NSUN3: variants seen among roughly 807,000 people sequenced by gnomAD.
NSUN3 encodes the protein tRNA (cytosine(34)-C(5))-methyltransferase, mitochondrial.
NSUN3 carries 24 observed loss-of-function variants against 36.8 expected under a neutral mutation model. The ratio of observed to expected loss-of-function variants is 0.65; its 90% CI spans 0.47 to 0.92. The LOEUF (loss-of-function observed/expected upper bound fraction) is 0.92, where lower values mean the gene tolerates loss of function less well. Among genes scored for constraint, NSUN3 ranks in the 40% least tolerant of loss-of-function variants. The pLI, the probability that NSUN3 is intolerant of heterozygous loss-of-function variation, is 0.00. For missense variants in NSUN3, 381 were observed against 392.8 expected, an observed-to-expected ratio of 0.97 and a Z score of 0.25; for synonymous variants, 146 against 145.2, an observed-to-expected ratio of 1.01 and a Z score of -0.04.
intron 5 of NSUN3, among the ~76,000 whole-genome samples, chr3:94,112,381 TACA>T (rs2077421308): frequency 2.0e-5 from 3 of 152,354 alleles, no homozygotes; most frequent in South Asian, 2.1e-4. Flanking sequence ...TAGATTCTGC[TACA>T]ACAACTCCAC....
intron 5 of NSUN3, among the ~76,000 whole-genome samples, chr3:94,119,435 G>T (rs946068893): frequency 1.3e-5 from 2 of 152,290 alleles, no homozygotes; most frequent in South Asian, 2.1e-4. Flanking sequence ...TTATGGCTCT[G>T]GGGGAGGGGG....
chr3:94,095,088 C>G lies in NSUN3; in HGVS notation c.677C>G (p.Ser226Cys). 6.2e-7 allele frequency: 1 copy of G among 1,613,088 alleles called. No individual in the cohort carries two copies. Among genetic ancestry groups the G allele is most frequent in the Non-Finnish European group, 8.5e-7 (1 of 1,179,124 alleles). ...NDRSWLFSSD[S>C]QKASCRISQR... Reference sequence around the variant, plus strand: ...CGAAGCTGGTTGTTTTCTTCTGACTCTCAGAAGGCATCCTGTAGGATAAGT... The same window carrying G: ...CGAAGCTGGTTGTTTTCTTCTGACTGTCAGAAGGCATCCTGTAGGATAAGT... Residue 226 changes from serine (S) to cysteine (C), a missense_variant, in exon 5 of 6, where the codon TCT (serine) becomes TGT (cysteine). Coordinates refer to ENST00000314622, the MANE Select transcript of NSUN3 (RefSeq NM_022072.5).
chr3:94,077,235 G>T, intron 2 of NSUN3: 1 of 633,816 alleles, frequency 1.6e-6, no homozygotes. Context: ...CAGGGAGGCT[G>T]CAGGCCGGAT....
In NSUN3 at chr3:94,106,032, G is replaced by A. The variant is rs538150926; in HGVS notation, c.743+10878G>A. 2.3e-4 allele frequency among the ~76,000 whole-genome samples: 35 copies of A among 152,078 alleles called. 1 individual carries two copies. The South Asian group carries it at 6.4e-3, about 28-fold the overall frequency. ...GAGATCCTTATGTTCAATTTTAGTG[G>A]AGCAGTTTTAATCCCTACTGTTCCA... is the stretch of plus-strand genomic sequence containing the variant. On this transcript the variant is annotated intron_variant, in intron 5 of 5. Coordinates refer to ENST00000314622, the MANE Select transcript of NSUN3 (RefSeq NM_022072.5).
intron 2 of NSUN3, among the ~76,000 whole-genome samples, chr3:94,068,585 G>C (rs556941603): frequency 6.6e-6 from 1 of 152,036 alleles, no homozygotes; most frequent in South Asian, 2.1e-4. Context: ...ATGATTAATT[G>C]GATAATTAAT....
chr3:94,064,381 C>T, intron 1 of NSUN3, 56 bp from the exon 2 acceptor site: 6 of 1,018,756 alleles, frequency 5.9e-6, no homozygotes, highest in Non-Finnish European at 9.3e-6. Flanking sequence ...CTAATGTTGA[C>T]GTTCAGTAAA....
chr3:94,074,396 G>A (rs1367069484), intron 2 of NSUN3, among the ~76,000 whole-genome samples: 8 of 152,314 alleles, frequency 5.3e-5, no homozygotes, highest in African/African-American at 1.7e-4. Context: ...ACTCTGGGCA[G>A]TATGGCCATT....
At chr3:94,095,829 G>A (rs1000345039) in intron 5 of NSUN3, among the ~76,000 whole-genome samples, 20 of 151,636 alleles carry the variant, frequency 1.3e-4, no homozygotes, top group African/African-American at 4.8e-4. Context: ...TCACTGCAAC[G>A]TCCACCTCCC....
At chr3:94,112,508 T>G (rs1384617388) in intron 5 of NSUN3, among the ~76,000 whole-genome samples, 1 of 152,196 alleles carries the variant, frequency 6.6e-6, no homozygotes, top group African/African-American at 2.4e-5. Flanking sequence ...TTCCCAGAGT[T>G]GTCTAGGTAA....
At chr3:94,082,318 G>C (rs1325697289) in intron 2 of NSUN3, 1 of 152,158 alleles carries the variant, frequency 6.6e-6, no homozygotes, top group Admixed American at 6.6e-5. Context: ...CGAATTTCAG[G>C]CTCTCTTTCA....
At chr3:94,069,898 T>C (rs751991156) in intron 2 of NSUN3, among the ~76,000 whole-genome samples, 2 of 152,186 alleles carry the variant, frequency 1.3e-5, no homozygotes, top group Non-Finnish European at 2.9e-5. Context: ...CAGTGTGATA[T>C]ATTAGTTTAG....
chr3:94,108,191 C>T (rs1023426279), intron 5 of NSUN3, among the ~76,000 whole-genome samples: 1 of 151,950 alleles, frequency 6.6e-6, no homozygotes, highest in Admixed American at 6.6e-5. Context: ...TTTTACATTT[C>T]ACCACGTTTA....
At chr3:94,092,013 C>T (rs1449057793) in intron 3 of NSUN3, among the ~76,000 whole-genome samples, 3 of 152,210 alleles carry the variant, frequency 2.0e-5, no homozygotes, top group Non-Finnish European at 4.4e-5. Flanking sequence ...TGAAGAGCCT[C>T]CCAATGAGTG....
chr3:94,100,471 G>C (rs2077360519), intron 5 of NSUN3, among the ~76,000 whole-genome samples: 2 of 152,116 alleles, frequency 1.3e-5, no homozygotes, highest in Non-Finnish European at 2.9e-5. Context: ...GGAGGCTGAG[G>C]GTGAAGGGAA....
At chr3:94,102,215 A>AC (rs1017737021) in intron 5 of NSUN3, among the ~76,000 whole-genome samples, 6 of 151,184 alleles carry the variant, frequency 4.0e-5, no homozygotes, top group African/African-American at 7.3e-5. Context: ...AAAAAAAAAA[A>AC]AAAAAAAAAA....
chr3:94,065,794 G>T (rs984125267), intron 2 of NSUN3, among the ~76,000 whole-genome samples: 2 of 152,164 alleles, frequency 1.3e-5, no homozygotes, highest in Non-Finnish European at 2.9e-5. Context: ...AATAAAGTAT[G>T]TAATAAATTT....
chr3:94,073,566 T>C (rs1193492597), intron 2 of NSUN3, among the ~76,000 whole-genome samples: 1 of 152,218 alleles, frequency 6.6e-6, no homozygotes, highest in African/African-American at 2.4e-5. Flanking sequence ...ATGATGAGCA[T>C]TTTTTCATAT....
chr3:94,104,779 T>C (rs1486789077), intron 5 of NSUN3, among the ~76,000 whole-genome samples: 1 of 152,022 alleles, frequency 6.6e-6, no homozygotes, highest in Non-Finnish European at 1.5e-5. Flanking sequence ...AAGAAAGCAA[T>C]TGAGAATAAA....
chr3:94,112,342 T>C (rs1029280872), intron 5 of NSUN3, among the ~76,000 whole-genome samples: 2 of 152,236 alleles, frequency 1.3e-5, no homozygotes, highest in Non-Finnish European at 2.9e-5. Context: ...TTGCCCTCTG[T>C]TACTTGTTTA....
Sources: gnomAD v4.1 joint callset for allele counts (sites outside exome capture counted in the v4.1 genomes callset) on GRCh38, gnomAD v4.1.1 for gene constraint, MANE v1.5 for transcripts, NCBI Gene and HGNC (gene_info 2026-07-23, HGNC 2026-07-21) for gene names.